Variants in PTPRJ observed in about 807,000 individuals in gnomAD.
PTPRJ encodes receptor-type tyrosine-protein phosphatase eta.
Under a neutral mutation model 141.3 loss-of-function variants are expected in PTPRJ, and 129 were observed. The observed-to-expected ratio is 0.91, with a 90% CI of 0.79 to 1.06. PTPRJ has a LOEUF of 1.06. Among genes scored for constraint, PTPRJ ranks in the 50% least tolerant of loss-of-function variants. The probability of loss-of-function intolerance (pLI) is 0.00; values close to 1 mark genes in which losing one functional copy is unlikely to be tolerated. For synonymous variants in PTPRJ, 610 were observed against 640.5 expected (o/e 0.95, Z 0.72); for missense variants, 1,601 against 1,679.7 (o/e 0.95, Z 0.82).
At chr11:47,994,700 AC>A (rs1854285174) in intron 1 of PTPRJ, among the ~76,000 whole-genome samples, 1 of 152,290 alleles carries the variant, frequency 6.6e-6, no homozygotes, top group Admixed American at 6.5e-5. Context: ...AAATAAAAAA[AC>A]AATTGAGGTG....
intron 1 of PTPRJ, among the ~76,000 whole-genome samples, chr11:48,092,875 A>G (rs1855907416): frequency 1.3e-5 from 2 of 152,232 alleles, no homozygotes; most frequent in South Asian, 4.1e-4. Flanking sequence ...TATTGTGAAT[A>G]GTGCCGCAAT....
chr11:48,166,598 A>G (rs901157064), intron 24 of PTPRJ, among the ~76,000 whole-genome samples: 1 of 152,140 alleles, frequency 6.6e-6, no homozygotes, highest in African/African-American at 2.4e-5. Context: ...TACAGACAGG[A>G]GCCACCGCGC....
intron 1 of PTPRJ, among the ~76,000 whole-genome samples, chr11:48,109,262 T>TA (rs1856376535): frequency 1.4e-5 from 2 of 142,794 alleles, no homozygotes; most frequent in South Asian, 4.7e-4. Flanking sequence ...TTGATTATTT[T>TA]ATTCTTCGTG....
intron 1 of PTPRJ, among the ~76,000 whole-genome samples, chr11:48,080,378 C>T (rs943384919): frequency 6.6e-5 from 10 of 152,144 alleles, no homozygotes; most frequent in Non-Finnish European, 1.3e-4. Context: ...CTCTCTTTTG[C>T]AAGTGTGAAG....
At chr11:48,025,279 G>A (rs566473532) in intron 1 of PTPRJ, among the ~76,000 whole-genome samples, 1 of 152,302 alleles carries the variant, frequency 6.6e-6, no homozygotes, top group South Asian at 2.1e-4. Context: ...GAAACTGGAG[G>A]TTACATGTTC....
intron 1 of PTPRJ, among the ~76,000 whole-genome samples, chr11:48,069,886 A>G (rs1338210735): frequency 6.6e-6 from 1 of 152,184 alleles, no homozygotes; most frequent in Admixed American, 6.5e-5. Flanking sequence ...GGAAACAGCT[A>G]ATGTCGTGGA....
chr11:48,066,821 G>C (rs1247641608), intron 1 of PTPRJ, among the ~76,000 whole-genome samples: 1 of 151,988 alleles, frequency 6.6e-6, no homozygotes, highest in Non-Finnish European at 1.5e-5. Flanking sequence ...CCTGACCTCA[G>C]GTGATCCGCC....
chr11:48,024,766 T>C (rs1853758969), intron 1 of PTPRJ, among the ~76,000 whole-genome samples: 1 of 152,242 alleles, frequency 6.6e-6, no homozygotes, highest in East Asian at 1.9e-4. Context: ...TGTCATTTCA[T>C]TCATTCTGAG....
chr11:48,067,255 C>T (rs1423779094), intron 1 of PTPRJ, among the ~76,000 whole-genome samples: 4 of 152,192 alleles, frequency 2.6e-5, no homozygotes, highest in Admixed American at 2.0e-4. Context: ...GAGCCTCCGG[C>T]CTGGAACCTT....
Position 48,153,941 on chromosome 11 carries a change from C to T in PTPRJ, c.3229+55C>T. 7 of 1,244,108 alleles carry T rather than the reference C, an allele frequency of 5.6e-6. No homozygotes were observed. The South Asian group carries it at 7.3e-5, about 13-fold the overall frequency. 77.1% of individuals were successfully genotyped at this position (1,244,108 alleles called of 1,614,324 possible). On this transcript the variant is annotated intron_variant, in intron 19 of 24. Transcript: ENST00000418331. ...TGTGTTCCATCAGTGGCCATCACATCTCTAAGTGTAGAGGGGAGGGAATCA... is the reference window on the plus strand; with the variant it reads ...TGTGTTCCATCAGTGGCCATCACATTTCTAAGTGTAGAGGGGAGGGAATCA...
intron 1 of PTPRJ, among the ~76,000 whole-genome samples, chr11:48,034,567 A>G (rs998856002): frequency 5.3e-5 from 8 of 152,276 alleles, no homozygotes; most frequent in South Asian, 2.1e-4. Context: ...CTGGTGCTCT[A>G]TTGCACTCAC....
intron 1 of PTPRJ, among the ~76,000 whole-genome samples, chr11:48,090,724 G>C (rs1300420301): frequency 1.3e-5 from 2 of 152,206 alleles, no homozygotes; most frequent in African/African-American, 4.8e-5. Context: ...GAGGCCAGGA[G>C]TGTACCTTTC....
chr11:48,154,693 G>T (rs1466341343), intron 19 of PTPRJ, among the ~76,000 whole-genome samples: 2 of 152,268 alleles, frequency 1.3e-5, no homozygotes, highest in Non-Finnish European at 2.9e-5. Flanking sequence ...AAAACATTAA[G>T]TTCTTTTTAA....
intron 10 of PTPRJ, 55 bp downstream of exon 10, chr11:48,137,336 C>A: frequency 5.2e-6 from 8 of 1,546,022 alleles, no homozygotes; most frequent in Non-Finnish European, 7.0e-6. Flanking sequence ...GCTGACCTTG[C>A]AGGTCAGTCC....
At chr11:47,981,564 G>A (rs2135453677) in intron 1 of PTPRJ, among the ~76,000 whole-genome samples, 1 of 152,362 alleles carries the variant, frequency 6.6e-6, no homozygotes, top group South Asian at 2.1e-4. Context: ...CCCAGGCCGG[G>A]GAAAAGGTGG....
At chr11:48,100,052 C>G (rs1475076536) in intron 1 of PTPRJ, among the ~76,000 whole-genome samples, 1 of 152,114 alleles carries the variant, frequency 6.6e-6, no homozygotes. Flanking sequence ...TCAGCAGACC[C>G]CACTGGCAGG....
chr11:48,035,503 T>C (rs572113200), intron 1 of PTPRJ, among the ~76,000 whole-genome samples: 1 of 150,974 alleles, frequency 6.6e-6, no homozygotes, highest in South Asian at 2.1e-4. Context: ...GGAAAGGAAA[T>C]TGTGGTTTCT....
At chr11:48,109,002 G>T (rs1386552334) in intron 1 of PTPRJ, among the ~76,000 whole-genome samples, 1 of 152,180 alleles carries the variant, frequency 6.6e-6, no homozygotes. Flanking sequence ...AGAGAGTGAG[G>T]GGTGTTGGTT....
chr11:48,155,926 G>A, intron 20 of PTPRJ, 52 bp downstream of exon 20: 1 of 1,591,874 alleles, frequency 6.3e-7, no homozygotes, highest in Admixed American at 1.7e-5. Flanking sequence ...GAAATCTTCA[G>A]TGTGCTTTGC....
Sources: gnomAD v4.1 joint callset for allele counts (sites outside exome capture counted in the v4.1 genomes callset) on GRCh38, gnomAD v4.1.1 for gene constraint, MANE v1.5 for transcripts, NCBI Gene and HGNC (gene_info 2026-07-23, HGNC 2026-07-21) for gene names.